The following ADAMTS16 variants were observed in gnomAD, a reference collection of about 807,000 sequenced individuals.
ADAMTS16 encodes the protein ADAM metallopeptidase with thrombospondin type 1 motif 16.
In ADAMTS16, 94 loss-of-function variants were observed where a neutral mutation model predicts 145.8. The ratio of observed to expected loss-of-function variants is 0.64; its 90% CI spans 0.55 to 0.77. The LOEUF is 0.77. Ranked by LOEUF, ADAMTS16 falls within the 30% of genes least tolerant of loss-of-function variation. ADAMTS16 has a pLI of 0.00. For missense variants in ADAMTS16, 1,585 were observed against 1,591.5 expected (o/e 1.00, Z 0.07); for synonymous variants, 659 against 604.3 (o/e 1.09, Z -1.33).
At chr5:5,187,520 T>A (rs942898072) in intron 5 of ADAMTS16, among the ~76,000 whole-genome samples, 2 of 152,196 alleles carry the variant, frequency 1.3e-5, no homozygotes, top group African/African-American at 4.8e-5. Context: ...TTCTTAGGTG[T>A]TTGACCGTAA....
chr5:5,140,930 A>T (rs1256505419), intron 2 of ADAMTS16, among the ~76,000 whole-genome samples, 164 bp downstream of exon 2: 5 of 151,782 alleles, frequency 3.3e-5, no homozygotes, highest in African/African-American at 9.7e-5. Flanking sequence ...GCGAGCCCCG[A>T]TGAGTGGATT....
intron 6 of ADAMTS16, 141 bp from the exon 7 acceptor site, chr5:5,189,830 T>C (rs1431325010): frequency 1.9e-5 from 18 of 958,484 alleles, no homozygotes; most frequent in Non-Finnish European, 2.6e-5. Flanking sequence ...ATACGTAAAA[T>C]ACACGCGTTA....
intron 7 of ADAMTS16, 61 bp from the exon 8 acceptor site, chr5:5,191,624 A>T: frequency 7.4e-7 from 1 of 1,354,670 alleles, no homozygotes; most frequent in Non-Finnish European, 1.0e-6. Flanking sequence ...GAAAATAAAT[A>T]TACTATGCTT....
intron 4 of ADAMTS16, among the ~76,000 whole-genome samples, chr5:5,185,650 T>G (rs1340014708): frequency 6.6e-6 from 1 of 152,182 alleles, no homozygotes; most frequent in Non-Finnish European, 1.5e-5. Context: ...AGGAAAACAA[T>G]GCAAGCCAGC....
chr5:5,170,688 T>C (rs1197527427), intron 3 of ADAMTS16, among the ~76,000 whole-genome samples: 1 of 151,460 alleles, frequency 6.6e-6, no homozygotes, highest in Non-Finnish European at 1.5e-5. Context: ...CTTTTGCCCA[T>C]TGCTAAATCA....
intron 8 of ADAMTS16, among the ~76,000 whole-genome samples, chr5:5,193,930 A>C (rs1305563916): frequency 6.6e-6 from 1 of 151,904 alleles, no homozygotes; most frequent in Non-Finnish European, 1.5e-5. Context: ...GTAAGACCCC[A>C]TTTCTACAAT....
chr5:5,200,722 TTCTC>T (rs1372038194), intron 9 of ADAMTS16, among the ~76,000 whole-genome samples: 1 of 152,256 alleles, frequency 6.6e-6, no homozygotes, highest in South Asian at 2.1e-4. Context: ...TTTTCTTCCT[TTCTC>T]TCTCACTTTC....
Position 5,306,544 on chromosome 5 carries a change from T to G in ADAMTS16, c.3227T>G (p.Leu1076Ter). 6.2e-7 allele frequency: 1 copy of G among 1,614,150 alleles called. No homozygotes were observed. The highest frequency in any genetic ancestry group is 8.5e-7 in the Non-Finnish European group (1 of 1,179,986). The change falls in exon 21 of 23, where the codon TTA (leucine) becomes TGA (stop). Residue 1076 changes from leucine (L) to a stop codon, truncating the protein, a stop_gained. Coordinates refer to ENST00000274181, the MANE Select transcript of ADAMTS16 (RefSeq NM_139056.4). LOFTEE classifies it high-confidence loss of function. ...TCERGTQKRF[L>*]KCAEKYVSGK... is the part of the protein sequence containing the mutation. Reference sequence around the variant, plus strand: ...GAAAGAGGAACACAGAAAAGATTCTTAAAATGTGCTGAAAAGTATGTTTCT... The same window carrying G: ...GAAAGAGGAACACAGAAAAGATTCTGAAAATGTGCTGAAAAGTATGTTTCT...
chr5:5,301,585 T>C (rs1313800781), intron 18 of ADAMTS16, among the ~76,000 whole-genome samples: 1 of 152,204 alleles, frequency 6.6e-6, no homozygotes, highest in Non-Finnish European at 1.5e-5. Context: ...TCGAGAACAC[T>C]TCTCCCAGGT....
intron 20 of ADAMTS16, among the ~76,000 whole-genome samples, chr5:5,305,194 A>T (rs199601654): frequency 2.6e-5 from 1 of 38,028 alleles, no homozygotes; most frequent in Non-Finnish European, 5.2e-5. Context: ...TCCCACACCA[A>T]ACACACACAC....
chr5:5,238,800 G>A (rs1737195834), intron 14 of ADAMTS16, among the ~76,000 whole-genome samples: 1 of 152,200 alleles, frequency 6.6e-6, no homozygotes, highest in African/African-American at 2.4e-5. Flanking sequence ...TATTTTGTTA[G>A]AACCTTGTGT....
At chr5:5,243,127 G>T (rs1737346615) in intron 17 of ADAMTS16, among the ~76,000 whole-genome samples, 1 of 152,168 alleles carries the variant, frequency 6.6e-6, no homozygotes, top group Non-Finnish European at 1.5e-5. Flanking sequence ...ATAAGGTGAA[G>T]AAACTAAAGG....
intron 3 of ADAMTS16, among the ~76,000 whole-genome samples, chr5:5,160,562 C>A (rs537408004): frequency 2.2e-4 from 33 of 152,048 alleles, no homozygotes; most frequent in African/African-American, 8.0e-4. Flanking sequence ...TTGAAATAGA[C>A]CCAAGTCTAA....
chr5:5,201,538 GT>G (rs199933918), intron 9 of ADAMTS16, among the ~76,000 whole-genome samples: 174 of 148,032 alleles, frequency 1.2e-3, no homozygotes, highest in East Asian at 3.0e-3. Flanking sequence ...AAAGCAAAGG[GT>G]TTTTTTTTTA....
intron 17 of ADAMTS16, among the ~76,000 whole-genome samples, chr5:5,252,171 C>T (rs532061437): frequency 2.0e-5 from 3 of 152,240 alleles, no homozygotes; most frequent in African/African-American, 7.2e-5. Context: ...AATACTACAT[C>T]CCCGTGTCTA....
At chr5:5,316,206 A>G (rs1046960086) in intron 21 of ADAMTS16, among the ~76,000 whole-genome samples, 48 of 152,294 alleles carry the variant, frequency 3.2e-4, no homozygotes, top group African/African-American at 1.1e-3. Flanking sequence ...ACTTGCTGGA[A>G]TGGTCTCTGA....
At chr5:5,247,100 T>C (rs1050757147) in intron 17 of ADAMTS16, among the ~76,000 whole-genome samples, 2 of 152,178 alleles carry the variant, frequency 1.3e-5, no homozygotes, top group Non-Finnish European at 2.9e-5. Context: ...CATTTCTCCA[T>C]CTTTTTCACA....
chr5:5,229,838 G>C (rs1736873557), intron 11 of ADAMTS16, among the ~76,000 whole-genome samples: 8 of 152,192 alleles, frequency 5.3e-5, no homozygotes, highest in Admixed American at 5.2e-4. Context: ...AAAAGAATTA[G>C]AATATCATTA....
intron 21 of ADAMTS16, among the ~76,000 whole-genome samples, chr5:5,307,161 C>T (rs1740207030): frequency 1.3e-5 from 2 of 152,120 alleles, no homozygotes; most frequent in South Asian, 4.1e-4. Context: ...AGCGGGGGTT[C>T]CTTCCTCGGG....
Sources: allele counts gnomAD v4.1 joint callset (sites outside exome capture counted in the v4.1 genomes callset), GRCh38; gene constraint gnomAD v4.1.1; transcripts MANE v1.5; gene names NCBI Gene and HGNC (gene_info 2026-07-23, HGNC 2026-07-21).